The following PRKN variants were observed in gnomAD, a reference collection of about 807,000 sequenced individuals.
The protein encoded by PRKN is E3 ubiquitin-protein ligase parkin.
PRKN carries 56 observed loss-of-function variants against 59.5 expected under a neutral mutation model. The ratio of observed to expected loss-of-function variants is 0.94; its 90% CI spans 0.76 to 1.18. PRKN has a LOEUF of 1.18. Among genes scored for constraint, PRKN ranks in the 50% most tolerant of loss-of-function variants. The probability of loss-of-function intolerance (pLI) is 0.00; values close to 1 mark genes in which losing one functional copy is unlikely to be tolerated. For synonymous variants in PRKN, 250 were observed against 222.1 expected (o/e 1.13, Z -1.12); for missense variants, 657 against 596.4 (o/e 1.10, Z -1.06).
intron 7 of PRKN, among the ~76,000 whole-genome samples, chr6:161,692,920 C>A (rs1183273396): frequency 6.7e-6 from 1 of 148,364 alleles, no homozygotes; most frequent in African/African-American, 2.5e-5. Context: ...TGCACTCTAA[C>A]CTGGGCAACA....
At position 161,455,107 on chromosome 6, in the gene PRKN, C is replaced by T. The variant is rs1050215522; in HGVS notation, c.1084-68230G>A. ...AGGCTGGAGTGCAGTGGTATGATCT[C>T]GGCTCACTGCAACCTCTGCCCCCCG... On this transcript the variant is annotated intron_variant, in intron 9 of 11. Transcript: ENST00000366898. Among the ~76,000 whole-genome samples, 30 of 150,578 alleles carry T rather than the reference C, an allele frequency of 2.0e-4. No individual in the cohort carries two copies. In the East Asian group the frequency reaches 5.5e-3, roughly 28 times the overall value.
At chr6:161,934,585 G>C (rs890550896) in intron 6 of PRKN, among the ~76,000 whole-genome samples, 3 of 151,810 alleles carry the variant, frequency 2.0e-5, no homozygotes, top group Non-Finnish European at 4.4e-5. Context: ...ATAGTTTTCT[G>C]TGATTTTAGA....
chr6:161,505,279 T>C (rs1270253048), intron 9 of PRKN, among the ~76,000 whole-genome samples: 4 of 152,100 alleles, frequency 2.6e-5, no homozygotes, highest in Admixed American at 6.5e-5. Flanking sequence ...TGGCCAGTGA[T>C]GGTGAGCATT....
chr6:162,192,802 T>C (rs1411482379), intron 4 of PRKN, among the ~76,000 whole-genome samples: 2 of 152,120 alleles, frequency 1.3e-5, no homozygotes, highest in African/African-American at 4.8e-5. Context: ...TTTTGAGAAT[T>C]TCAAACTAGC....
intron 6 of PRKN, among the ~76,000 whole-genome samples, chr6:161,963,805 T>C (rs1780474463): frequency 6.6e-6 from 1 of 152,238 alleles, no homozygotes; most frequent in Admixed American, 6.5e-5. Context: ...TTAAACCTCT[T>C]TGATGCAAAG....
intron 2 of PRKN, among the ~76,000 whole-genome samples, chr6:162,435,580 A>G (rs1789730386): frequency 6.6e-6 from 1 of 152,216 alleles, no homozygotes; most frequent in South Asian, 2.1e-4. Context: ...TGCCCTGTAC[A>G]GATGATCATT....
At chr6:162,390,375 G>GTATA (rs369827763) in intron 2 of PRKN, among the ~76,000 whole-genome samples, 1,157 of 98,714 alleles carry the variant, frequency 0.012, 24 homozygotes, top group African/African-American at 0.034. Flanking sequence ...TACTGCTAAG[G>GTATA]TATATATATA....
chr6:162,606,417 C>T lies in PRKN; in HGVS notation c.7+121245G>A, dbSNP rs989629826. 8.5e-5 allele frequency among the ~76,000 whole-genome samples: 13 copies of T among 152,148 alleles called. No homozygotes were observed. In the South Asian group the frequency reaches 2.1e-3, roughly 24 times the overall value. ...AATATCTTATGTAATTTATTGAATA[C>T]GATATTGAAAGTGAAAAACAGGATG... On this transcript the variant is annotated intron_variant, in intron 1 of 11. Transcript: ENST00000366898.
Position 161,772,477 on chromosome 6 carries a change from G to A in PRKN, c.871+13295C>T, listed in dbSNP as rs572798823. Among the ~76,000 whole-genome samples the A allele has an allele frequency of 3.0e-4, 45 of 152,288 alleles. No homozygotes were observed. In the South Asian group the frequency reaches 7.7e-3, roughly 26 times the overall value. On this transcript the variant is annotated intron_variant, in intron 7 of 11. Coordinates refer to ENST00000366898, the MANE Select transcript of PRKN (RefSeq NM_004562.3). ...CAATCGACATGTTCTGATATAGGCCGTGGGGCTCGCTGAGGTGGAACCACC... is the reference window on the plus strand; with the variant it reads ...CAATCGACATGTTCTGATATAGGCCATGGGGCTCGCTGAGGTGGAACCACC...
intron 4 of PRKN, among the ~76,000 whole-genome samples, chr6:162,157,536 A>G (rs1782565651): frequency 6.6e-6 from 1 of 150,886 alleles, no homozygotes; most frequent in Non-Finnish European, 1.5e-5. Context: ...TGGTACTGCA[A>G]GACCAGAGCT....
intron 1 of PRKN, among the ~76,000 whole-genome samples, chr6:162,526,330 A>ATTT (rs1778283667): frequency 6.6e-6 from 1 of 151,568 alleles, no homozygotes; most frequent in East Asian, 1.9e-4. Context: ...AAAAAAAAAA[A>ATTT]ATCAGAAAAC....
At chr6:162,324,655 C>A (rs1783184652) in intron 2 of PRKN, among the ~76,000 whole-genome samples, 1 of 151,982 alleles carries the variant, frequency 6.6e-6, no homozygotes, top group Non-Finnish European at 1.5e-5. Flanking sequence ...TGCACACACA[C>A]TATAAACTCT....
At chr6:161,933,674 A>G (rs113195661) in intron 6 of PRKN, among the ~76,000 whole-genome samples, 104 of 152,160 alleles carry the variant, frequency 6.8e-4, no homozygotes, top group African/African-American at 2.5e-3. Context: ...GTTCCCCTGC[A>G]GACATTTCAG....
intron 4 of PRKN, among the ~76,000 whole-genome samples, chr6:162,193,459 C>T (rs1450794880): frequency 2.6e-5 from 4 of 152,180 alleles, no homozygotes; most frequent in South Asian, 4.1e-4. Flanking sequence ...AGTCCACCTT[C>T]GGCTATCACT....
In PRKN at chr6:161,989,762, CT is replaced by C. The variant is rs149329476; in HGVS notation, c.619-16346del. On this transcript the variant is annotated intron_variant, in intron 5 of 11. Transcript: ENST00000366898. ...ATGGCTATGAGCACCTTCCAGGGCC[CT>C]GACGATGGGCCTGCTCAGCCTGCCG... Among the ~76,000 whole-genome samples, 1,051 of 152,248 alleles carry C rather than the reference CT, an allele frequency of 6.9e-3. 2 individuals carry two copies. The highest frequency in any genetic ancestry group is 0.012 in the Non-Finnish European group (802 of 68,022).
intron 4 of PRKN, among the ~76,000 whole-genome samples, chr6:162,153,881 G>A (rs1265922738): frequency 6.6e-6 from 1 of 151,540 alleles, no homozygotes; most frequent in Non-Finnish European, 1.5e-5. Context: ...CAGGATGGGG[G>A]TGAGGCGAGC....
chr6:161,497,083 G>A lies in PRKN; in HGVS notation c.1083+51771C>T, dbSNP rs892558545. The stretch of plus-strand genomic sequence containing the variant: ...CCGTCACAAACCTGCTGGCATGCCC[G>A]TTCCTCCTGGCTACGACTCCACAGC... On this transcript the variant is annotated intron_variant, in intron 9 of 11. Transcript: ENST00000366898. The surrounding 1 kb of genome is among the most constrained non-coding windows in gnomAD (Gnocchi z 4.6). Among the ~76,000 whole-genome samples, 3 of 152,202 alleles carry A rather than the reference G, an allele frequency of 2.0e-5. No individual in the cohort carries two copies. The highest frequency in any genetic ancestry group is 4.4e-5 in the Non-Finnish European group (3 of 68,024).
chr6:162,053,341 T>C (rs1412022925), intron 5 of PRKN, among the ~76,000 whole-genome samples: 1 of 152,164 alleles, frequency 6.6e-6, no homozygotes, highest in East Asian at 1.9e-4. Flanking sequence ...AGGCTGACAT[T>C]TGTGCTGGCA....
In PRKN at chr6:162,159,549, T is replaced by A. The variant is rs868614540; in HGVS notation, c.534+41582A>T. Among the ~76,000 whole-genome samples, 7 of 152,174 alleles carry A rather than the reference T, an allele frequency of 4.6e-5. No individual in the cohort carries two copies. In the South Asian group the frequency reaches 1.5e-3, roughly 32 times the overall value. ...TCCCCAAACAGATCTATAGTTTTAA[T>A]GTAATTTAAATGAACATCTCAAAAG... On this transcript the variant is annotated intron_variant, in intron 4 of 11. Transcript: ENST00000366898.
Sources: allele counts gnomAD v4.1 joint callset (sites outside exome capture counted in the v4.1 genomes callset), GRCh38; gene constraint gnomAD v4.1.1; non-coding constraint Gnocchi (gnomAD v3.1); transcripts MANE v1.5; gene names NCBI Gene and HGNC (gene_info 2026-07-23, HGNC 2026-07-21).